Variants in ZNF653 observed in about 807,000 individuals in gnomAD.
The protein encoded by ZNF653 is zinc finger protein 653, also known as 67 kDa zinc finger protein.
ZNF653 carries 37 observed loss-of-function variants against 59.9 expected under a neutral mutation model. The observed-to-expected ratio is 0.62, with a 90% CI of 0.48 to 0.81. ZNF653 has a LOEUF of 0.81. Among genes scored for constraint, ZNF653 ranks in the 40% least tolerant of loss-of-function variants. The pLI is 0.00. For synonymous variants in ZNF653, 435 were observed against 371.8 expected (o/e 1.17, Z -1.96); for missense variants, 808 against 881.1 (o/e 0.92, Z 1.05).
intron 2 of ZNF653, 80 bp from the exon 3 acceptor site, chr19:11,496,245 T>A (rs1971587241): frequency 1.2e-5 from 17 of 1,421,472 alleles, no homozygotes; most frequent in Non-Finnish European, 1.6e-5. Flanking sequence ...CCACCGGGGC[T>A]TTATGGGTCC....
At position 11,483,457 on chromosome 19, in the gene ZNF653, C is replaced by T. The variant is rs1971427923; in HGVS notation, c.*225G>A. The T allele has an allele frequency of 7.3e-7, 1 of 1,361,970 alleles. No individual in the cohort carries two copies. The highest frequency in any genetic ancestry group is 9.4e-7 in the Non-Finnish European group (1 of 1,058,814). The allele number at this position is 1,361,970 out of a possible 1,614,324, so 84.4% of individuals were successfully genotyped here. A position where few individuals can be genotyped will look rare whatever the true frequency, so the allele number is the denominator to read the frequency against. On this transcript the variant is annotated 3_prime_UTR_variant, in exon 9 of 9. Transcript: ENST00000293771. Reference sequence around the variant, plus strand: ...TTTCTCGCTCTTTAATCTCACTCTGCTCTCTTGACACAGTTCCAGCAATGC... The same window carrying T: ...TTTCTCGCTCTTTAATCTCACTCTGTTCTCTTGACACAGTTCCAGCAATGC...
intron 3 of ZNF653, among the ~76,000 whole-genome samples, chr19:11,491,735 C>T (rs146106731): frequency 0.035 from 5,313 of 152,082 alleles, 296 homozygotes; most frequent in African/African-American, 0.12. Flanking sequence ...CTACAGGTGC[C>T]GCCACCACGC....
At chr19:11,486,739 G>A (rs1599560343) in intron 6 of ZNF653, 30 bp downstream of exon 6, 1 of 1,565,536 alleles carries the variant, frequency 6.4e-7, no homozygotes, top group Non-Finnish European at 8.7e-7. Flanking sequence ...TTGTGGGCCT[G>A]GCCCAGGCTG....
At chr19:11,491,139 A>AACCT (rs1406576534) in intron 3 of ZNF653, among the ~76,000 whole-genome samples, 1 of 152,164 alleles carries the variant, frequency 6.6e-6, no homozygotes, top group Admixed American at 6.5e-5. Context: ...GGCTCCTAAG[A>AACCT]ACCTACTCTT....
chr19:11,502,395 C>CT (rs942896750), intron 1 of ZNF653, among the ~76,000 whole-genome samples: 2 of 151,970 alleles, frequency 1.3e-5, no homozygotes, highest in Middle Eastern at 3.2e-3. Context: ...CCTGGTCTTC[C>CT]TTTTTTTTAT....
In ZNF653 at chr19:11,487,110, A is replaced by G; in HGVS notation, c.1220T>C (p.Val407Ala). Residue 407 changes from valine to alanine, a missense_variant, in exon 5 of 9, where the codon GTA becomes GCA. Val to Ala is a moderately conservative substitution (Grantham distance 64, BLOSUM62 0). Transcript: ENST00000293771. This position sits in a 1 kb window ranked among gnomAD's most constrained non-coding sequence, Gnocchi z 5.1. ...CACCGTTGTTGCCAGCTCCGGGGCT[A>G]CTGGCTCCTCCTTCTCCTCCTTCTT... The part of the protein sequence containing the change: ...LLKKEEKEEP[V>A]APELATTVPE... 1 of 1,613,538 alleles carries G rather than the reference A, an allele frequency of 6.2e-7. No homozygotes were observed. The highest frequency in any genetic ancestry group is 2.2e-5 in the East Asian group (1 of 44,882).
intron 3 of ZNF653, among the ~76,000 whole-genome samples, chr19:11,494,630 G>C (rs1971565536): frequency 6.6e-6 from 1 of 152,212 alleles, no homozygotes; most frequent in Non-Finnish European, 1.5e-5. Flanking sequence ...TTGGCTTGCA[G>C]TGAGCCGAGA....
rs1971490820 is a variant in ZNF653, at chr19:11,488,089, G to A, written c.560-186C>T. 1.3e-5 allele frequency among the ~76,000 whole-genome samples: 2 copies of A among 151,144 alleles called. 1 individual carries two copies. The highest frequency in any genetic ancestry group is 4.1e-4 in the South Asian group (2 of 4,822). The stretch of plus-strand genomic sequence containing the variant: ...TGCAACCTTGGCATCCCCGGTTCCA[G>A]TGATTCTCCTGCCTCAGGCTCCCGA... On this transcript the variant is annotated intron_variant, in intron 3 of 8. Coordinates refer to ENST00000293771, the MANE Select transcript of ZNF653 (RefSeq NM_138783.4).
chr19:11,486,355 T>C (rs1010720849), intron 6 of ZNF653, among the ~76,000 whole-genome samples: 1 of 152,104 alleles, frequency 6.6e-6, no homozygotes, highest in Non-Finnish European at 1.5e-5. Context: ...AATTAATCGA[T>C]GGGGAAACTG....
Position 11,505,835 on chromosome 19 carries a change from G to A in ZNF653, c.-49C>T. On this transcript the variant is annotated 5_prime_UTR_variant, in exon 1 of 9. Transcript: ENST00000293771. ...TCCCCCGTTGTTAGGAGCCAGACCG[G>A]AAGTGGCGCGCATCTTCGGCGCCGC... The A allele has an allele frequency of 7.7e-7, 1 of 1,291,554 alleles. No homozygotes were observed. The highest frequency in any genetic ancestry group is 1.0e-6 in the Non-Finnish European group (1 of 997,486). 80.0% of individuals were successfully genotyped at this position (1,291,554 alleles called of 1,614,324 possible). A position where few individuals can be genotyped will look rare whatever the true frequency, so the allele number is the denominator to read the frequency against.
At chr19:11,491,204 A>T (rs192460284) in intron 3 of ZNF653, among the ~76,000 whole-genome samples, 1 of 152,284 alleles carries the variant, frequency 6.6e-6, no homozygotes, top group Non-Finnish European at 1.5e-5. Flanking sequence ...TCTTCCTGGC[A>T]CCAGCACCGA....
At chr19:11,504,665 G>C (rs1201677035) in intron 1 of ZNF653, 1 of 687,166 alleles carries the variant, frequency 1.5e-6, no homozygotes, top group Non-Finnish European at 1.8e-6. Flanking sequence ...AACCAGGGCA[G>C]AACAAGGATT....
chr19:11,485,548 G>T, intron 7 of ZNF653, 108 bp downstream of exon 7: 2 of 806,298 alleles, frequency 2.5e-6, no homozygotes, highest in South Asian at 1.5e-5. Context: ...GTGTAGTCCT[G>T]TGCCCGGAGA....
chr19:11,496,182 G>C lies in ZNF653; in HGVS notation c.344-17C>G, dbSNP rs377008499. 1.9e-6 allele frequency: 3 copies of C among 1,611,212 alleles called. No homozygotes were observed. The highest frequency in any genetic ancestry group is 2.5e-6 in the Non-Finnish European group (3 of 1,179,172). On this transcript the variant is annotated splice_polypyrimidine_tract_variant and intron_variant, in intron 2 of 8. Coordinates refer to ENST00000293771, the MANE Select transcript of ZNF653 (RefSeq NM_138783.4). ...GTCGCCGCCCTATGGACACAGGGCCGAGGAGTGGGTATAAGGGACAGGGCT... is the reference window on the plus strand; with the variant it reads ...GTCGCCGCCCTATGGACACAGGGCCCAGGAGTGGGTATAAGGGACAGGGCT...
chr19:11,497,198 T>C (rs1375731191), intron 2 of ZNF653, among the ~76,000 whole-genome samples: 4 of 152,248 alleles, frequency 2.6e-5, no homozygotes, highest in African/African-American at 9.6e-5. Flanking sequence ...CTGTGGCCAT[T>C]TGTTTACATG....
Position 11,496,108 on chromosome 19 carries a change from T to C in ZNF653, c.401A>G (p.Lys134Arg). Residue 134 changes from lysine to arginine, a missense_variant, in exon 3 of 9, where the codon AAG becomes AGG. Lys to Arg is a conservative substitution (Grantham distance 26). Transcript: ENST00000293771. ...KNVVIWYEDHKHRCPYEPHLA... is the reference protein window; with the variant it reads ...KNVVIWYEDHRHRCPYEPHLA... Reference sequence around the variant, plus strand: ...GTGCGGCTCGTACGGGCAGCGGTGCTTGTGGTCCTCGTACCAGATCACCAC... The same window carrying C: ...GTGCGGCTCGTACGGGCAGCGGTGCCTGTGGTCCTCGTACCAGATCACCAC... The C allele has an allele frequency of 6.2e-7, 1 of 1,614,046 alleles. No homozygotes were observed. Among genetic ancestry groups the C allele is most frequent in the South Asian group, 1.1e-5 (1 of 91,086 alleles).
intron 3 of ZNF653, among the ~76,000 whole-genome samples, chr19:11,493,430 G>GT (rs760594216): frequency 7.9e-5 from 12 of 152,182 alleles, no homozygotes; most frequent in Non-Finnish European, 1.0e-4. Flanking sequence ...TATGTACCCT[G>GT]TAAGTTTCCT....
Position 11,487,073 on chromosome 19 carries a change from T to TGCGCTCTCAGGCACC in ZNF653, c.1242_1256dup (p.Val415_Ala419dup), listed in dbSNP as rs762460997. The TGCGCTCTCAGGCACC allele has an allele frequency of 6.8e-6, 11 of 1,613,998 alleles. No individual in the cohort carries two copies. The highest frequency in any genetic ancestry group is 9.3e-6 in the Non-Finnish European group (11 of 1,180,028). On this transcript the variant is annotated inframe_insertion, in exon 5 of 9. Transcript: ENST00000293771. The surrounding 1 kb of genome is among the most constrained non-coding windows in gnomAD (Gnocchi z 5.1). ...CCCCGTCCGCCTCTGCCTCAGGCTCTGCGCTCTCAGGCACCGTTGTTGCCA... is the reference window on the plus strand; with the variant it reads ...CCCCGTCCGCCTCTGCCTCAGGCTCTGCGCTCTCAGGCACCGCGCTCTCAGGCACCGTTGTTGCCA...
In ZNF653 at chr19:11,485,720, A is replaced by G; in HGVS notation, c.1506T>C (p.His502=). ...AATAGAACTTCTTGCCACAGCCAGG[A>G]TGAGGGCACACTTTGGTCTTTCCTT... ...HRKGKTKVCP[H]PGCGKKFYLS... is the part of the protein sequence containing the mutation. The change falls in exon 7 of 9, where the codon CAT becomes CAC. Residue 502 remains histidine, a synonymous_variant. Coordinates refer to ENST00000293771, the MANE Select transcript of ZNF653 (RefSeq NM_138783.4). 6.2e-7 allele frequency: 1 copy of G among 1,614,000 alleles called. No homozygotes were observed. Among genetic ancestry groups the G allele is most frequent in the Non-Finnish European group, 8.5e-7 (1 of 1,179,962 alleles).
Sources: allele counts gnomAD v4.1 joint callset (sites outside exome capture counted in the v4.1 genomes callset), GRCh38; gene constraint gnomAD v4.1.1; non-coding constraint Gnocchi (gnomAD v3.1); transcripts MANE v1.5; gene names NCBI Gene and HGNC (gene_info 2026-07-23, HGNC 2026-07-21).